KLF7: variants seen among roughly 807,000 people sequenced by gnomAD.
The protein encoded by KLF7 is Krueppel-like factor 7.
A neutral mutation model predicts 27.3 loss-of-function variants in KLF7; 2 were observed. That is an observed-to-expected ratio of 0.07 (90% CI 0.03 to 0.23). The LOEUF (loss-of-function observed/expected upper bound fraction) is 0.23. Ranked by LOEUF, KLF7 falls within the 10% of genes least tolerant of loss-of-function variation. The pLI is 1.00. For synonymous variants in KLF7, 165 were observed against 162.4 expected (o/e 1.02, Z -0.12); for missense variants, 221 against 394.1 (o/e 0.56, Z 3.72).
chr2:207,134,840 T>A (rs1172810326), intron 1 of KLF7, among the ~76,000 whole-genome samples: 2 of 152,168 alleles, frequency 1.3e-5, no homozygotes, highest in Non-Finnish European at 1.5e-5. Flanking sequence ...TTTCCTCACC[T>A]GTAAAATGGG....
chr2:207,113,332 C>T (rs1428986471), intron 2 of KLF7, among the ~76,000 whole-genome samples: 1 of 151,664 alleles, frequency 6.6e-6, no homozygotes, highest in Non-Finnish European at 1.5e-5. Context: ...TAAAGTATGC[C>T]GAGAAAGAAA....
intron 2 of KLF7, among the ~76,000 whole-genome samples, chr2:207,120,096 A>AC (rs1341417369): frequency 6.6e-6 from 1 of 151,786 alleles, no homozygotes; most frequent in Non-Finnish European, 1.5e-5. Context: ...CCAGCTCAGT[A>AC]CCCCCATCTC....
intron 2 of KLF7, among the ~76,000 whole-genome samples, chr2:207,089,694 C>T (rs778549398): frequency 6.6e-6 from 1 of 152,118 alleles, no homozygotes; most frequent in South Asian, 2.1e-4. Flanking sequence ...GGCAGGTTAA[C>T]AAACCTCTGT....
At chr2:207,103,588 T>C (rs555030533) in intron 2 of KLF7, among the ~76,000 whole-genome samples, 49 of 152,118 alleles carry the variant, frequency 3.2e-4, no homozygotes, top group South Asian at 8.3e-4. Flanking sequence ...GTTGTCAGAG[T>C]TCTGGAGATG....
At chr2:207,088,727 C>T (rs1380990161) in intron 2 of KLF7, 146 bp from the exon 3 acceptor site, 3 of 832,340 alleles carry the variant, frequency 3.6e-6, no homozygotes, top group Non-Finnish European at 3.4e-6. Flanking sequence ...TAGTATACCA[C>T]TGTCTTTTGG....
At chr2:207,140,382 A>G (rs752634657) in intron 1 of KLF7, among the ~76,000 whole-genome samples, 154 of 152,334 alleles carry the variant, frequency 1.0e-3, no homozygotes, top group South Asian at 2.1e-3. Flanking sequence ...ATTGGACTAA[A>G]TAAGTCAACA....
intron 1 of KLF7, among the ~76,000 whole-genome samples, chr2:207,164,290 A>C (rs3791997): frequency 0.55 from 82,906 of 152,002 alleles, 23,028 homozygotes; most frequent in Middle Eastern, 0.6. Flanking sequence ...AAGAAATTAC[A>C]CGAGCAGCCA....
intron 1 of KLF7, among the ~76,000 whole-genome samples, chr2:207,152,399 T>C (rs866161007): frequency 6.6e-6 from 1 of 152,080 alleles, no homozygotes; most frequent in African/African-American, 2.4e-5. Flanking sequence ...ATGAGGGATG[T>C]CTGATGGGAA....
chr2:207,134,536 G>C (rs919733169), intron 1 of KLF7, among the ~76,000 whole-genome samples: 10 of 152,104 alleles, frequency 6.6e-5, no homozygotes, highest in African/African-American at 2.4e-4. Context: ...TGCATAAAAT[G>C]GCAGCCAAAA....
At chr2:207,095,129 C>T (rs1171754302) in intron 2 of KLF7, among the ~76,000 whole-genome samples, 1 of 150,886 alleles carries the variant, frequency 6.6e-6, no homozygotes, top group Non-Finnish European at 1.5e-5. Context: ...CAAGCTCCGC[C>T]TCCTGGGTTC....
chr2:207,150,896 T>C (rs2078224401), intron 1 of KLF7, among the ~76,000 whole-genome samples: 1 of 147,812 alleles, frequency 6.8e-6, no homozygotes, highest in Admixed American at 6.9e-5. Flanking sequence ...TAATAGAAGA[T>C]AATCATAAAA....
At chr2:207,157,279 C>T (rs1368988103) in intron 1 of KLF7, among the ~76,000 whole-genome samples, 7 of 140,646 alleles carry the variant, frequency 5.0e-5, no homozygotes, top group East Asian at 4.1e-4. Context: ...TAAAGCATCA[C>T]GGGGAAGTAA....
intron 1 of KLF7, among the ~76,000 whole-genome samples, chr2:207,158,883 G>C (rs4675649): frequency 0.59 from 88,971 of 152,020 alleles, 27,489 homozygotes; most frequent in East Asian, 0.89. Context: ...GTATATTCAG[G>C]TGACAGAAAG....
intron 1 of KLF7, among the ~76,000 whole-genome samples, chr2:207,142,614 G>A (rs2077974819): frequency 6.6e-6 from 1 of 152,208 alleles, no homozygotes; most frequent in Non-Finnish European, 1.5e-5. Context: ...GGTCAGTGAA[G>A]GCCTTGTGAA....
At chr2:207,151,399 G>A (rs924279160) in intron 1 of KLF7, among the ~76,000 whole-genome samples, 158 of 152,220 alleles carry the variant, frequency 1.0e-3, no homozygotes, top group African/African-American at 3.7e-3. Context: ...GAGGAGGGCA[G>A]GGGGGAGGGA....
At chr2:207,104,011 T>G (rs958409912) in intron 2 of KLF7, among the ~76,000 whole-genome samples, 2 of 152,172 alleles carry the variant, frequency 1.3e-5, no homozygotes, top group Non-Finnish European at 2.9e-5. Flanking sequence ...GTTTGAGATG[T>G]TAGGAGCAGA....
At chr2:207,091,534 A>G (rs193251940) in intron 2 of KLF7, among the ~76,000 whole-genome samples, 19 of 152,326 alleles carry the variant, frequency 1.2e-4, no homozygotes, top group African/African-American at 3.8e-4. Context: ...TTTTTCCACC[A>G]TCTGGCTAGT....
intron 2 of KLF7, chr2:207,121,038 C>T (rs1261161107): frequency 6.6e-6 from 1 of 152,204 alleles, no homozygotes; most frequent in Non-Finnish European, 1.5e-5. Context: ...CACCTACTTT[C>T]CGTGCATGTC....
At chr2:207,099,016 T>C (rs2076695771) in intron 2 of KLF7, among the ~76,000 whole-genome samples, 1 of 151,984 alleles carries the variant, frequency 6.6e-6, no homozygotes, top group Non-Finnish European at 1.5e-5. Flanking sequence ...GCATGGGTAA[T>C]ATCAAGGCAT....
Sources: gnomAD v4.1 joint callset for allele counts (sites outside exome capture counted in the v4.1 genomes callset) on GRCh38, gnomAD v4.1.1 for gene constraint, MANE v1.5 for transcripts, NCBI Gene and HGNC (gene_info 2026-07-23, HGNC 2026-07-21) for gene names.